Variants in NAA11 observed in about 807,000 individuals in gnomAD.
NAA11 encodes N-alpha-acetyltransferase 11.
NAA11 carries 15 observed loss-of-function variants against 16.1 expected under a neutral mutation model. The ratio of observed to expected loss-of-function variants is 0.93; its 90% CI spans 0.62 to 1.44. NAA11 has a LOEUF of 1.44. NAA11 is among the 40% of genes most tolerant of loss of function. The pLI is 0.00. For synonymous variants in NAA11, 122 were observed against 112.4 expected (o/e 1.09, Z -0.54); for missense variants, 298 against 291.3 (o/e 1.02, Z -0.17).
intron 2 of NAA11, among the ~76,000 whole-genome samples, chr4:79,265,058 T>C (rs541457619): frequency 1.3e-5 from 2 of 152,334 alleles, no homozygotes; most frequent in South Asian, 4.1e-4. Context: ...CCTTTTACAA[T>C]TTTCCCTATC....
chr4:79,186,180 C>T, the NAA11 span, among the ~76,000 whole-genome samples: 2 of 152,056 alleles, frequency 1.3e-5, no homozygotes, highest in African/African-American at 2.4e-5. Context: ...AAAAGGTGTT[C>T]CCCCCGCCTC....
chr4:79,207,367 T>TAAAAAAA, the NAA11 span, among the ~76,000 whole-genome samples: 1 of 115,920 alleles, frequency 8.6e-6, no homozygotes, highest in African/African-American at 3.2e-5. Flanking sequence ...TGAATGAGGT[T>TAAAAAAA]AAAAAAAAAA....
At chr4:79,241,039 A>G (rs1253286265) in intron 2 of NAA11, among the ~76,000 whole-genome samples, 2 of 152,314 alleles carry the variant, frequency 1.3e-5, no homozygotes, top group South Asian at 2.1e-4. Context: ...GAAGTCTTAG[A>G]TATCAACTAA....
At position 79,317,174 on chromosome 4, in the gene NAA11, T is replaced by A. The variant is rs1015274038; in HGVS notation, c.*630A>T. The A allele has an allele frequency of 6.6e-6, 1 of 152,128 alleles. No individual in the cohort carries two copies. 9.4% of individuals were successfully genotyped at this position (152,128 alleles called of 1,614,324 possible). On this transcript the variant is annotated 3_prime_UTR_variant, in exon 2 of 2. Transcript: ENST00000286794. The stretch of plus-strand genomic sequence containing the variant: ...TTTTCTTAAAATCTCCAAGTTCTGA[T>A]TGTACAGTAGAAGCTCCTAACTTAA...
chr4:79,280,136 A>G (rs560953499), intron 2 of NAA11, among the ~76,000 whole-genome samples: 89 of 152,260 alleles, frequency 5.8e-4, no homozygotes, highest in African/African-American at 2.0e-3. Flanking sequence ...CGAGCAAGTA[A>G]TGTTAAGTGC....
At chr4:79,318,473 T>C (rs1171052758) in intron 1 of NAA11, among the ~76,000 whole-genome samples, 4 of 152,302 alleles carry the variant, frequency 2.6e-5, no homozygotes, top group African/African-American at 9.6e-5. Flanking sequence ...ATTCAATAAA[T>C]ATTTACTCAG....
chr4:79,214,789 C>T, the NAA11 span, among the ~76,000 whole-genome samples: 654 of 152,116 alleles, frequency 4.3e-3, 6 homozygotes, highest in African/African-American at 0.015. Context: ...CAGAGCAAGA[C>T]TCCATCTAAA....
At chr4:79,252,875 G>A (rs1040704359) in intron 2 of NAA11, among the ~76,000 whole-genome samples, 3 of 152,170 alleles carry the variant, frequency 2.0e-5, no homozygotes, top group African/African-American at 7.2e-5. Context: ...AAATGTTTAA[G>A]CAAGGAAAAG....
intron 2 of NAA11, among the ~76,000 whole-genome samples, chr4:79,266,673 A>G (rs896645431): frequency 5.3e-5 from 8 of 152,206 alleles, no homozygotes; most frequent in Non-Finnish European, 1.0e-4. Context: ...TATAAAACGT[A>G]TTCTTCCGGT....
At position 79,322,505 on chromosome 4, in the gene NAA11, GTA is replaced by G. The variant is rs150419621; in HGVS notation, c.*12+2669_*12+2670del. ...TTTATAGGTGTGTGTGTGTGTGTGT[GTA>G]TATATATATATATGGTTTTAAAACA... On this transcript the variant is annotated intron_variant, in intron 1 of 1. Coordinates refer to ENST00000286794, the MANE Select transcript of NAA11 (RefSeq NM_032693.3). Among the ~76,000 whole-genome samples the G allele has an allele frequency of 1.6e-3, 238 of 150,148 alleles. 3 individuals are homozygous for G. In the East Asian group the frequency reaches 0.028, roughly 17 times the overall value.
chr4:79,259,476 T>A (rs1722201077), intron 2 of NAA11, among the ~76,000 whole-genome samples: 1 of 152,162 alleles, frequency 6.6e-6, no homozygotes, highest in Non-Finnish European at 1.5e-5. Flanking sequence ...TCAAACACCA[T>A]GCTCACTCAC....
At chr4:79,188,024 G>T in the NAA11 span, among the ~76,000 whole-genome samples, 36 of 105,416 alleles carry the variant, frequency 3.4e-4, no homozygotes, top group South Asian at 7.5e-3. Flanking sequence ...AAAAAAAAAA[G>T]AAATACTTGT....
intron 2 of NAA11, among the ~76,000 whole-genome samples, chr4:79,233,290 A>T (rs988572554): frequency 6.6e-6 from 1 of 152,006 alleles, no homozygotes; most frequent in African/African-American, 2.4e-5. Flanking sequence ...TTGAAAATCA[A>T]ATACCATTTT....
chr4:79,192,166 C>T, the NAA11 span, among the ~76,000 whole-genome samples: 1 of 151,892 alleles, frequency 6.6e-6, no homozygotes, highest in African/African-American at 2.4e-5. Flanking sequence ...GCTATTCAGG[C>T]TCTTTTTTGG....
downstream of NAA11, among the ~76,000 whole-genome samples, chr4:79,312,291 A>T (rs563834039): frequency 6.6e-6 from 1 of 152,330 alleles, no homozygotes; most frequent in South Asian, 2.1e-4. Flanking sequence ...GGTAATGAAA[A>T]ACCAACCAGA....
At chr4:79,204,934 C>CACACACA in the NAA11 span, among the ~76,000 whole-genome samples, 1 of 149,034 alleles carries the variant, frequency 6.7e-6, no homozygotes, top group Non-Finnish European at 1.5e-5. Context: ...TGTATACACA[C>CACACACA]ACACACACAC....
chr4:79,285,620 A>G (rs1263714586), intron 2 of NAA11, among the ~76,000 whole-genome samples: 6 of 152,190 alleles, frequency 3.9e-5, no homozygotes, highest in Admixed American at 3.3e-4. Context: ...TCATAATGGC[A>G]TAATTTAAAA....
chr4:79,280,997 A>G (rs940201911), intron 2 of NAA11, among the ~76,000 whole-genome samples: 3 of 152,008 alleles, frequency 2.0e-5, no homozygotes. Flanking sequence ...TGTTTCAGGA[A>G]GGTTAACTGA....
At chr4:79,196,965 A>C in the NAA11 span, among the ~76,000 whole-genome samples, 2 of 123,772 alleles carry the variant, frequency 1.6e-5, no homozygotes, top group African/African-American at 2.8e-5. Context: ...CAAAAAAAAA[A>C]AAAAAAAAAA....
Sources: gnomAD v4.1 joint callset for allele counts (sites outside exome capture counted in the v4.1 genomes callset) on GRCh38, gnomAD v4.1.1 for gene constraint, MANE v1.5 for transcripts, NCBI Gene and HGNC (gene_info 2026-07-23, HGNC 2026-07-21) for gene names.